Variants in USP43 observed in about 807,000 individuals in gnomAD.
USP43 encodes ubiquitin specific peptidase 43, also known as ubiquitin carboxyl-terminal hydrolase 43.
A neutral mutation model predicts 90.7 loss-of-function variants in USP43; 33 were observed. The ratio of observed to expected loss-of-function variants is 0.36; its 90% CI spans 0.28 to 0.49. USP43 has a LOEUF of 0.49. Among genes scored for constraint, USP43 ranks in the 20% least tolerant of loss-of-function variants. USP43 has a pLI of 0.98. For missense variants in USP43, 1,274 were observed against 1,476.4 expected, an observed-to-expected ratio of 0.86 and a Z score of 2.25; for synonymous variants, 598 against 615.8, an observed-to-expected ratio of 0.97 and a Z score of 0.43.
intron 6 of USP43, among the ~76,000 whole-genome samples, chr17:9,681,885 TA>T (rs1428571608): frequency 6.6e-6 from 1 of 152,114 alleles, no homozygotes; most frequent in Admixed American, 6.5e-5. Flanking sequence ...CCAGCCTAGG[TA>T]GCAGGCTATG....
At chr17:9,658,267 G>T (rs1481239876) in intron 2 of USP43, among the ~76,000 whole-genome samples, 2 of 152,198 alleles carry the variant, frequency 1.3e-5, no homozygotes, top group Non-Finnish European at 2.9e-5. Context: ...AACAGTGCAG[G>T]AAGCTTAGTC....
rs753636549 is a variant in USP43, at chr17:9,710,500, C to CTTTTT, written c.2170+405_2170+409dup. 4.1e-3 allele frequency among the ~76,000 whole-genome samples: 352 copies of CTTTTT among 86,040 alleles called. 24 individuals are homozygous for CTTTTT. Among genetic ancestry groups the CTTTTT allele is most frequent in the African/African-American group, 9.6e-3 (178 of 18,546 alleles). The allele number at this position is 86,040 out of a possible 152,430, so 56.4% of individuals were successfully genotyped here. The stretch of plus-strand genomic sequence containing the variant: ...TGCAGGACTTTTCTAGGAAAGGTAG[C>CTTTTT]TTTTTTTTTTTTTTTTTTTTTTTGA... On this transcript the variant is annotated intron_variant, in intron 13 of 14. Transcript: ENST00000285199.
At chr17:9,651,682 A>G (rs1911871862) in intron 1 of USP43, among the ~76,000 whole-genome samples, 1 of 152,220 alleles carries the variant, frequency 6.6e-6, no homozygotes, top group South Asian at 2.1e-4. Flanking sequence ...TCTGGAATTT[A>G]TATTAGCTTA....
chr17:9,728,726 G>A lies in USP43; in HGVS notation c.3108G>A (p.Gly1036=). The A allele has an allele frequency of 2.5e-6, 4 of 1,600,872 alleles. No individual in the cohort carries two copies. The South Asian group carries it at 4.5e-5, about 18-fold the overall frequency. The change falls in exon 15 of 15, where the codon GGG becomes GGA. Residue 1036 remains glycine (G), a synonymous_variant. Coordinates refer to ENST00000285199, the MANE Select transcript of USP43 (RefSeq NM_153210.5). The surrounding 1 kb of genome is among the most constrained non-coding windows in gnomAD (Gnocchi z 6.2). ...GCGGGCTGAGCCCTGCCATGGACGG[G>A]CAGGCTCCAGGCTCACCTCCTGCCC... ...VSGGLSPAMD[G]QAPGSPPALR... is the part of the protein sequence containing the mutation.
At chr17:9,685,498 C>T (rs900100583) in intron 7 of USP43, among the ~76,000 whole-genome samples, 1 of 152,170 alleles carries the variant, frequency 6.6e-6, no homozygotes, top group Non-Finnish European at 1.5e-5. Context: ...TACTCTATTC[C>T]CTGCTGTGAG....
At chr17:9,669,038 G>T (rs1322961658) in intron 3 of USP43, among the ~76,000 whole-genome samples, 1 of 151,558 alleles carries the variant, frequency 6.6e-6, no homozygotes, top group Non-Finnish European at 1.5e-5. Flanking sequence ...TAGAGATGGG[G>T]TTTTACCATG....
intron 14 of USP43, among the ~76,000 whole-genome samples, chr17:9,714,813 G>T (rs1916407927): frequency 6.6e-6 from 1 of 152,122 alleles, no homozygotes; most frequent in Admixed American, 6.5e-5. Context: ...AGAAAACCAG[G>T]TGAGTGTGGT....
At chr17:9,682,769 C>G in intron 6 of USP43, 54 bp from the exon 7 acceptor site, 1 of 1,589,734 alleles carries the variant, frequency 6.3e-7, no homozygotes, top group Non-Finnish European at 8.6e-7. Context: ...AGGCTCTGAC[C>G]CAGGAAAGCA....
rs181424961 is a variant in USP43, at chr17:9,697,428, C to T, written c.1458-2744C>T. ...GAGTTTGCATTTCTATATAACCCAT[C>T]ACTCAAATAGTGAGCATAGTACTCA... is the stretch of plus-strand genomic sequence containing the variant. On this transcript the variant is annotated intron_variant, in intron 9 of 14. Coordinates refer to ENST00000285199, the MANE Select transcript of USP43 (RefSeq NM_153210.5). Among the ~76,000 whole-genome samples the T allele has an allele frequency of 1.3e-4, 19 of 151,960 alleles. 1 individual carries two copies. The highest frequency in any genetic ancestry group is 1.0e-3 in the Admixed American group (16 of 15,254).
At chr17:9,671,423 T>C (rs889782387) in intron 3 of USP43, among the ~76,000 whole-genome samples, 6 of 151,960 alleles carry the variant, frequency 3.9e-5, no homozygotes, top group Non-Finnish European at 5.9e-5. Flanking sequence ...TAATTACTGT[T>C]GTTTGCATAG....
intron 3 of USP43, among the ~76,000 whole-genome samples, chr17:9,667,880 C>T (rs1397363785): frequency 6.6e-6 from 1 of 152,066 alleles, no homozygotes; most frequent in Non-Finnish European, 1.5e-5. Context: ...TATTTTAAGC[C>T]TTACAAAAGT....
intron 9 of USP43, among the ~76,000 whole-genome samples, chr17:9,694,928 A>C (rs937838959): frequency 6.6e-6 from 1 of 151,978 alleles, no homozygotes; most frequent in Non-Finnish European, 1.5e-5. Context: ...CCGGCCTATT[A>C]TTTCTTTTTA....
At position 9,728,713 on chromosome 17, in the gene USP43, C is replaced by T. The variant is rs751805441; in HGVS notation, c.3095C>T (p.Pro1032Leu). ...TCCCTGGTGAGTGGCGGGCTGAGCC[C>T]TGCCATGGACGGGCAGGCTCCAGGC... ...PVSLVSGGLS[P>L]AMDGQAPGSP... Residue 1032 changes from proline to leucine, a missense_variant, in exon 15 of 15, where the codon CCT becomes CTT. By Grantham distance (98) the Pro-to-Leu change is moderately conservative. Coordinates refer to ENST00000285199, the MANE Select transcript of USP43 (RefSeq NM_153210.5). The surrounding 1 kb of genome is among the most constrained non-coding windows in gnomAD (Gnocchi z 6.2). The T allele has an allele frequency of 1.2e-6, 2 of 1,602,720 alleles. No individual in the cohort carries two copies. Among genetic ancestry groups the T allele is most frequent in the Non-Finnish European group, 1.7e-6 (2 of 1,175,234 alleles).
At chr17:9,660,774 C>A (rs1912588926) in intron 2 of USP43, among the ~76,000 whole-genome samples, 1 of 152,196 alleles carries the variant, frequency 6.6e-6, no homozygotes, top group Admixed American at 6.5e-5. Context: ...CAGGGGGTGG[C>A]TATTGGCTAG....
chr17:9,706,631 A>ATTTTTTTT (rs34165346), intron 12 of USP43, among the ~76,000 whole-genome samples: 2 of 84,466 alleles, frequency 2.4e-5, no homozygotes, highest in Non-Finnish European at 4.4e-5. Context: ...TCAGATATTA[A>ATTTTTTTT]TTTTTTTTTT....
At chr17:9,650,997 C>A (rs1045459653) in intron 1 of USP43, among the ~76,000 whole-genome samples, 1 of 152,044 alleles carries the variant, frequency 6.6e-6, no homozygotes, top group Non-Finnish European at 1.5e-5. Flanking sequence ...CCCTTCCCCT[C>A]GAGTCACCAA....
intron 2 of USP43, among the ~76,000 whole-genome samples, chr17:9,660,790 G>A (rs1313545759): frequency 6.6e-6 from 1 of 152,188 alleles, no homozygotes; most frequent in Non-Finnish European, 1.5e-5. Context: ...GCTAGAGAGA[G>A]GAGCTTACCC....
At chr17:9,666,284 A>T (rs150487258) in intron 2 of USP43, among the ~76,000 whole-genome samples, 7 of 152,302 alleles carry the variant, frequency 4.6e-5, no homozygotes, top group African/African-American at 1.7e-4. Context: ...GGTGATGGCA[A>T]GCCCACCCAA....
intron 14 of USP43, among the ~76,000 whole-genome samples, chr17:9,726,669 G>A (rs576313815): frequency 1.8e-4 from 28 of 152,224 alleles, no homozygotes; most frequent in African/African-American, 5.1e-4. Flanking sequence ...TTAAACCATC[G>A]CCTTGGGGAC....
Sources: allele counts gnomAD v4.1 joint callset (sites outside exome capture counted in the v4.1 genomes callset), GRCh38; gene constraint gnomAD v4.1.1; non-coding constraint Gnocchi (gnomAD v3.1); transcripts MANE v1.5; gene names NCBI Gene and HGNC (gene_info 2026-07-23, HGNC 2026-07-21).